Variants in NCEH1 observed in about 807,000 individuals in gnomAD.
The protein encoded by NCEH1 is 2-acetyl MAGE hydrolase.
In NCEH1, 9 loss-of-function variants were observed where a neutral mutation model predicts 25.4. That is an observed-to-expected ratio of 0.35 (90% CI 0.21 to 0.62). NCEH1 has a LOEUF of 0.62. NCEH1 is among the 20% of genes least tolerant of loss of function. The pLI, the probability that NCEH1 is intolerant of heterozygous loss-of-function variation, is 0.72. For synonymous variants in NCEH1, 200 were observed against 199.8 expected (o/e 1.00, Z -0.01); for missense variants, 412 against 501.1 (o/e 0.82, Z 1.70).
At chr3:172,686,728 G>A (rs1448261118) in intron 1 of NCEH1, among the ~76,000 whole-genome samples, 1 of 152,200 alleles carries the variant, frequency 6.6e-6, no homozygotes, top group Admixed American at 6.5e-5. Flanking sequence ...TTCCAGAAAT[G>A]TGGTAGTACA....
At chr3:172,710,774 G>A (rs959482264) in intron 1 of NCEH1, 73 bp downstream of exon 1, 20 of 1,545,956 alleles carry the variant, frequency 1.3e-5, no homozygotes, top group African/African-American at 9.6e-5. Flanking sequence ...GGAACCCGGC[G>A]GAGGAATTTT....
chr3:172,687,341 C>A (rs1362897907), intron 1 of NCEH1, among the ~76,000 whole-genome samples: 1 of 152,150 alleles, frequency 6.6e-6, no homozygotes, highest in African/African-American at 2.4e-5. Context: ...TGAAAATCAC[C>A]CATGTACTGA....
intron 3 of NCEH1, among the ~76,000 whole-genome samples, chr3:172,642,483 C>T (rs757549231): frequency 1.2e-4 from 18 of 151,258 alleles, no homozygotes; most frequent in Non-Finnish European, 1.3e-4. Flanking sequence ...GCCTGAACAT[C>T]GTTTCCAAGA....
At chr3:172,684,293 G>T (rs568303930) in intron 1 of NCEH1, among the ~76,000 whole-genome samples, 1 of 152,246 alleles carries the variant, frequency 6.6e-6, no homozygotes, top group South Asian at 2.1e-4. Flanking sequence ...AAATACACTG[G>T]TGCTTCCCAA....
intron 1 of NCEH1, among the ~76,000 whole-genome samples, chr3:172,661,377 C>T (rs548814461): frequency 6.6e-6 from 1 of 152,156 alleles, no homozygotes; most frequent in East Asian, 1.9e-4. Context: ...GTTACTGTAG[C>T]CTTATAGTAT....
At chr3:172,676,213 G>A (rs939757313) in intron 1 of NCEH1, among the ~76,000 whole-genome samples, 2 of 152,010 alleles carry the variant, frequency 1.3e-5, no homozygotes, top group East Asian at 1.9e-4. Flanking sequence ...TCTTGGTAAG[G>A]CTTTTTCTGT....
In NCEH1 at chr3:172,648,124, G is replaced by A. The variant is rs201813311; in HGVS notation, c.139-10C>T. The A allele has an allele frequency of 5.5e-5, 88 of 1,613,766 alleles. No individual in the cohort carries two copies. The highest frequency in any genetic ancestry group is 5.1e-4 in the East Asian group (23 of 44,876). ...AGTGGATCAGGTTACTCTGCAGGGC[G>A]AGGGAGGAAATAAAGAGGGAGGGCG... On this transcript the variant is annotated splice_polypyrimidine_tract_variant and intron_variant, in intron 1 of 4. Transcript: ENST00000475381.
At chr3:172,641,200 G>C (rs145931347) in intron 3 of NCEH1, among the ~76,000 whole-genome samples, 91 of 151,180 alleles carry the variant, frequency 6.0e-4, no homozygotes, top group African/African-American at 2.1e-3. Flanking sequence ...TTATATTCTA[G>C]ATTGTATAAA....
At chr3:172,659,470 T>C (rs1717867270) in intron 1 of NCEH1, among the ~76,000 whole-genome samples, 1 of 152,194 alleles carries the variant, frequency 6.6e-6, no homozygotes, top group Admixed American at 6.5e-5. Flanking sequence ...ACTAAATAAA[T>C]GCCTGTAGCA....
Position 172,647,882 on chromosome 3 carries a change from G to A in NCEH1, c.367+4C>T, listed in dbSNP as rs761406371. ...CAAACCATCTGAAGGTGACCAGGAC[G>A]CACTTGCACTTGCCAAGGCCCAGCC... On this transcript the variant is annotated splice_donor_region_variant and intron_variant, in intron 2 of 4. Coordinates refer to ENST00000475381, the MANE Select transcript of NCEH1 (RefSeq NM_020792.6). 3.3e-5 allele frequency: 54 copies of A among 1,614,100 alleles called. No individual in the cohort carries two copies. Among genetic ancestry groups the A allele is most frequent in the Middle Eastern group, 1.7e-4 (1 of 6,060 alleles).
intron 4 of NCEH1, 136 bp from the exon 5 acceptor site, chr3:172,634,228 TA>T: frequency 1.2e-6 from 1 of 813,644 alleles, no homozygotes; most frequent in South Asian, 1.9e-5. Flanking sequence ...AGGCACTGTA[TA>T]AATAATAAAG....
At chr3:172,674,962 T>C (rs1189211594) in intron 1 of NCEH1, among the ~76,000 whole-genome samples, 1 of 152,178 alleles carries the variant, frequency 6.6e-6, no homozygotes, top group African/African-American at 2.4e-5. Context: ...GTTGGTAATA[T>C]AATGCACTCT....
chr3:172,637,539 G>T (rs1361309150), intron 3 of NCEH1, among the ~76,000 whole-genome samples: 2 of 151,188 alleles, frequency 1.3e-5, no homozygotes, highest in South Asian at 4.2e-4. Flanking sequence ...GATCACTTGA[G>T]ATCAGGAATT....
chr3:172,668,347 C>CCTTT (rs1560193718), intron 1 of NCEH1, among the ~76,000 whole-genome samples: 2 of 87,366 alleles, frequency 2.3e-5, no homozygotes, highest in African/African-American at 8.8e-5. Flanking sequence ...GAAAAGGAAG[C>CCTTT]ATTTTTTTTT....
chr3:172,665,565 T>A (rs1419389915), intron 1 of NCEH1, among the ~76,000 whole-genome samples: 1 of 152,242 alleles, frequency 6.6e-6, no homozygotes, highest in Non-Finnish European at 1.5e-5. Context: ...CTGCCTTTTG[T>A]TCAGCTATGC....
At chr3:172,671,041 C>A (rs1466494304) in intron 1 of NCEH1, among the ~76,000 whole-genome samples, 1 of 152,048 alleles carries the variant, frequency 6.6e-6, no homozygotes, top group African/African-American at 2.4e-5. Context: ...ATTCTTTTAT[C>A]CTTTGTAGTA....
chr3:172,664,282 T>C (rs1718100687), intron 1 of NCEH1, among the ~76,000 whole-genome samples: 1 of 152,244 alleles, frequency 6.6e-6, no homozygotes. Context: ...ATGTTGAATA[T>C]TGGCCCCCAC....
chr3:172,645,061 GTAT>G (rs916642356), intron 3 of NCEH1, among the ~76,000 whole-genome samples: 47 of 152,188 alleles, frequency 3.1e-4, no homozygotes, highest in African/African-American at 6.3e-4. Context: ...TTTTTGTGTT[GTAT>G]TATTATTATC....
chr3:172,691,948 A>G (rs1171432288), intron 1 of NCEH1, among the ~76,000 whole-genome samples: 1 of 34,558 alleles, frequency 2.9e-5, no homozygotes, highest in Non-Finnish European at 7.3e-5. Context: ...CTCCGTCTCA[A>G]AAAAAAAAAA....
Sources: gnomAD v4.1 joint callset for allele counts (sites outside exome capture counted in the v4.1 genomes callset) on GRCh38, gnomAD v4.1.1 for gene constraint, MANE v1.5 for transcripts, NCBI Gene and HGNC (gene_info 2026-07-23, HGNC 2026-07-21) for gene names.